The following ACO1 variants were observed in gnomAD, a reference collection of about 807,000 sequenced individuals.
ACO1 encodes cytoplasmic aconitate hydratase.
A neutral mutation model predicts 105.1 loss-of-function variants in ACO1; 78 were observed. The observed-to-expected ratio is 0.74, with a 90% CI of 0.62 to 0.90. The LOEUF (loss-of-function observed/expected upper bound fraction) is 0.90. Ranked by LOEUF, ACO1 falls within the 40% of genes least tolerant of loss-of-function variation. The pLI is 0.00. For synonymous variants in ACO1, 364 were observed against 397.4 expected (o/e 0.92, Z 1.00); for missense variants, 965 against 1,111.1 (o/e 0.87, Z 1.87).
Position 32,418,129 on chromosome 9 carries a change from G to T in ACO1, c.406G>T (p.Ala136Ser). The change falls in exon 5 of 21, where the codon GCA becomes TCA. Residue 136 changes from alanine to serine, a missense_variant and splice_region_variant. Coordinates refer to ENST00000309951, the MANE Select transcript of ACO1 (RefSeq NM_002197.3). ...ACATTTAATTTTTCTCTCTGACAGG[G>T]CAGACAGTTTACAGAAGAATCAAGA... is the stretch of plus-strand genomic sequence containing the variant. ...HSIQVDFNRRADSLQKNQDLE... is the reference protein window; with the variant it reads ...HSIQVDFNRRSDSLQKNQDLE... 6.2e-7 allele frequency: 1 copy of T among 1,613,886 alleles called. No homozygotes were observed. The highest frequency in any genetic ancestry group is 8.5e-7 in the Non-Finnish European group (1 of 1,179,852).
chr9:32,387,487 A>T (rs915517174), intron 1 of ACO1, among the ~76,000 whole-genome samples: 1 of 152,148 alleles, frequency 6.6e-6, no homozygotes, highest in Admixed American at 6.5e-5. Flanking sequence ...TTGCCAGCTG[A>T]CACTGCTATT....
At position 32,390,800 on chromosome 9, in the gene ACO1, A is replaced by T. The variant is rs181983240; in HGVS notation, c.-23+6065A>T. ...GTCTTAAATTCGAGCCAATATAAAA[A>T]CGTAGCTTTCTAAAAAGAAAATGTT... On this transcript the variant is annotated intron_variant, in intron 1 of 20. Coordinates refer to ENST00000309951, the MANE Select transcript of ACO1 (RefSeq NM_002197.3). Among the ~76,000 whole-genome samples the T allele has an allele frequency of 2.4e-3, 366 of 152,308 alleles. 2 individuals are homozygous for T. The highest frequency in any genetic ancestry group is 8.3e-3 in the African/African-American group (343 of 41,566).
At position 32,452,990 on chromosome 9, in the gene ACO1, A is replaced by C. The variant is rs1369860346; in HGVS notation, c.*2879A>C. The C allele has an allele frequency of 8.1e-6, 1 of 123,228 alleles. No individual in the cohort carries two copies. Among genetic ancestry groups the C allele is most frequent in the Non-Finnish European group, 1.7e-5 (1 of 59,226 alleles). 7.6% of individuals were successfully genotyped at this position (123,228 alleles called of 1,614,324 possible). A position where few individuals can be genotyped will look rare whatever the true frequency, so the allele number is the denominator to read the frequency against. Reference sequence around the variant, plus strand: ...CCCCCCCCCCCCCAAAAAAAAAAGTATCTTGGCCAGTGTCTCAACCTTGCC... The same window carrying C: ...CCCCCCCCCCCCCAAAAAAAAAAGTCTCTTGGCCAGTGTCTCAACCTTGCC... On this transcript the variant is annotated 3_prime_UTR_variant, in exon 21 of 21. Coordinates refer to ENST00000309951, the MANE Select transcript of ACO1 (RefSeq NM_002197.3).
chr9:32,435,312 G>C (rs1822331713), intron 17 of ACO1, among the ~76,000 whole-genome samples: 2 of 152,146 alleles, frequency 1.3e-5, no homozygotes, highest in Admixed American at 6.5e-5. Flanking sequence ...CGAATTTGAG[G>C]AACAGAATCC....
intron 4 of ACO1, among the ~76,000 whole-genome samples, chr9:32,417,658 T>C (rs1453348042): frequency 4.6e-5 from 7 of 152,200 alleles, no homozygotes; most frequent in Non-Finnish European, 8.8e-5. Context: ...TTCTATAAGG[T>C]ACTGATCCTC....
chr9:32,402,475 A>C (rs555934870), intron 1 of ACO1, among the ~76,000 whole-genome samples: 2 of 152,316 alleles, frequency 1.3e-5, no homozygotes, highest in Admixed American at 1.3e-4. Context: ...GTGGGAGATA[A>C]GAAAGGAATT....
At chr9:32,434,850 T>C in intron 17 of ACO1, 149 bp downstream of exon 17, 1 of 893,518 alleles carries the variant, frequency 1.1e-6, no homozygotes, top group South Asian at 1.9e-5. Context: ...CCAATTGCAT[T>C]TTCTGTTTGC....
chr9:32,405,047 A>G (rs1821577857), intron 1 of ACO1, among the ~76,000 whole-genome samples: 2 of 152,236 alleles, frequency 1.3e-5, no homozygotes. Flanking sequence ...TGATTGGGCC[A>G]GATTGGGTCA....
intron 18 of ACO1, 53 bp downstream of exon 18, chr9:32,436,450 G>A (rs1333009806): frequency 2.5e-6 from 4 of 1,598,708 alleles, no homozygotes; most frequent in Admixed American, 1.7e-5. Flanking sequence ...AGCCTTGGTG[G>A]AGGTTGGATA....
chr9:32,454,453 A>G lies in ACO1; in HGVS notation c.*4342A>G, dbSNP rs1429365824. 2 of 151,978 alleles carry G rather than the reference A, an allele frequency of 1.3e-5. No individual in the cohort carries two copies. Among genetic ancestry groups the G allele is most frequent in the South Asian group, 2.1e-4 (1 of 4,828 alleles). The allele number at this position is 151,978 out of a possible 1,614,324, so 9.4% of individuals were successfully genotyped here. On this transcript the variant is annotated 3_prime_UTR_variant, in exon 21 of 21. Coordinates refer to ENST00000309951, the MANE Select transcript of ACO1 (RefSeq NM_002197.3). ...CAGCATCAGCACAGGCCAGGACCAC[A>G]GAGATAACAAGGTGGTAGTTGTGTA...
intron 1 of ACO1, among the ~76,000 whole-genome samples, chr9:32,385,202 T>G (rs1821132881): frequency 3.9e-5 from 6 of 152,180 alleles, no homozygotes; most frequent in Non-Finnish European, 7.4e-5. Context: ...GAAGAGACCC[T>G]TCGTGGGAGG....
At position 32,424,596 on chromosome 9, in the gene ACO1, C is replaced by A. The variant is rs2118486830; in HGVS notation, c.1119C>A (p.Pro373=). Reference sequence around the variant, plus strand: ...CAGTAGTGCCTTGCTGTAGTGGACCCAAAAGGCCTCAGGACAAAGTTGCTG... The same window carrying A: ...CAGTAGTGCCTTGCTGTAGTGGACCAAAAAGGCCTCAGGACAAAGTTGCTG... ...LKTVVPCCSG[P]KRPQDKVAVS... is the part of the protein sequence containing the mutation. The change falls in exon 10 of 21, where the codon CCC becomes CCA. Residue 373 remains proline, a synonymous_variant. Transcript: ENST00000309951. The A allele has an allele frequency of 1.2e-6, 2 of 1,614,046 alleles. No individual in the cohort carries two copies. The highest frequency in any genetic ancestry group is 1.6e-4 in the Middle Eastern group (1 of 6,062).
In ACO1 at chr9:32,450,207, G is replaced by C. The variant is rs374943137; in HGVS notation, c.*96G>C. ...GCCTCCCTGGCTGCCTCTGGGAGGG[G>C]TGCTGCCTTGTAGATGGAGCAAGTG... On this transcript the variant is annotated 3_prime_UTR_variant, in exon 21 of 21. Coordinates refer to ENST00000309951, the MANE Select transcript of ACO1 (RefSeq NM_002197.3). The C allele has an allele frequency of 1.1e-6, 1 of 936,650 alleles. No homozygotes were observed. Among genetic ancestry groups the C allele is most frequent in the East Asian group, 2.4e-5 (1 of 41,690 alleles). 58.0% of individuals were successfully genotyped at this position (936,650 alleles called of 1,614,324 possible). A position where few individuals can be genotyped will look rare whatever the true frequency, so the allele number is the denominator to read the frequency against.
At chr9:32,444,577 G>A (rs1455819825) in intron 19 of ACO1, among the ~76,000 whole-genome samples, 1 of 152,222 alleles carries the variant, frequency 6.6e-6, no homozygotes, top group African/African-American at 2.4e-5. Context: ...AATGACCAGT[G>A]AGGATGAGCA....
At chr9:32,421,589 G>A (rs1008545106) in intron 8 of ACO1, among the ~76,000 whole-genome samples, 5 of 152,142 alleles carry the variant, frequency 3.3e-5, no homozygotes, top group African/African-American at 1.2e-4. Context: ...GCTCACTCCT[G>A]TAATCCCACC....
chr9:32,427,679 G>A lies in ACO1; in HGVS notation c.1484+243G>A, dbSNP rs550037045. 2.9e-4 allele frequency among the ~76,000 whole-genome samples: 44 copies of A among 152,288 alleles called. No homozygotes were observed. In the South Asian group the frequency reaches 4.8e-3, roughly 17 times the overall value. On this transcript the variant is annotated intron_variant, in intron 12 of 20. Transcript: ENST00000309951. ...AGTTGCTTTGGTTGAGTCAGTGAATGAGTGGAGAGTGAATGTGAAGGCCTA... is the reference window on the plus strand; with the variant it reads ...AGTTGCTTTGGTTGAGTCAGTGAATAAGTGGAGAGTGAATGTGAAGGCCTA...
chr9:32,449,293 A>G (rs1473695215), intron 20 of ACO1, among the ~76,000 whole-genome samples: 2 of 152,248 alleles, frequency 1.3e-5, no homozygotes, highest in East Asian at 3.9e-4. Flanking sequence ...TTATTCACAG[A>G]GTTATCCTCA....
rs369355555 is a variant in ACO1, at chr9:32,407,384, T to C, written c.221T>C (p.Ile74Thr). 4.3e-6 allele frequency: 7 copies of C among 1,614,028 alleles called. No homozygotes were observed. In the East Asian group the frequency reaches 6.7e-5, roughly 15 times the overall value. Residue 74 changes from isoleucine to threonine, a missense_variant, in exon 3 of 21, where the codon ATA becomes ACA. Transcript: ENST00000309951. Reference sequence around the variant, plus strand: ...TGGAATGTCACGCAGCACAAGAACATAGAAGTGCCATTTAAGCCTGCTCGT... The same window carrying C: ...TGGAATGTCACGCAGCACAAGAACACAGAAGTGCCATTTAAGCCTGCTCGT... Reference protein sequence around the residue: ...LHWNVTQHKNIEVPFKPARVI... With the variant: ...LHWNVTQHKNTEVPFKPARVI...
In ACO1 at chr9:32,451,293, C is replaced by T. The variant is rs1021887161; in HGVS notation, c.*1182C>T. On this transcript the variant is annotated 3_prime_UTR_variant, in exon 21 of 21. Transcript: ENST00000309951. ...CACTTCATTTTCTGGTGAGGACACT[C>T]TTCCTGGTTTACAGATGGCCACCTT... 6.6e-6 allele frequency: 1 copy of T among 152,158 alleles called. No individual in the cohort carries two copies. The highest frequency in any genetic ancestry group is 1.5e-5 in the Non-Finnish European group (1 of 68,062). 9.4% of individuals were successfully genotyped at this position (152,158 alleles called of 1,614,324 possible).
Sources: gnomAD v4.1 joint callset for allele counts (sites outside exome capture counted in the v4.1 genomes callset) on GRCh38, gnomAD v4.1.1 for gene constraint, MANE v1.5 for transcripts, NCBI Gene and HGNC (gene_info 2026-07-23, HGNC 2026-07-21) for gene names.